Variants in PDP2 observed in about 807,000 individuals in gnomAD.
The protein encoded by PDP2 is pyruvate dehydrogenase phosphatase catalytic subunit 2.
PDP2 carries 23 observed loss-of-function variants against 34.2 expected under a neutral mutation model. The observed-to-expected ratio is 0.67, with a 90% CI of 0.48 to 0.95. The LOEUF (loss-of-function observed/expected upper bound fraction) is 0.95, where lower values mean the gene tolerates loss of function less well. PDP2 is among the 40% of genes least tolerant of loss of function. PDP2 has a pLI of 0.00. For synonymous variants in PDP2, 275 were observed against 269.2 expected, an observed-to-expected ratio of 1.02 and a Z score of -0.21; for missense variants, 571 against 659.6, an observed-to-expected ratio of 0.87 and a Z score of 1.47.
rs1178703966 is a variant in PDP2 at position 66,888,494 on chromosome 16, T to G, written c.*2620T>G. On this transcript the variant is annotated 3_prime_UTR_variant, in exon 2 of 2. Transcript: ENST00000311765. ...TGTTTTTTGAGACAAGGTCTTGCTT[T>G]GTCGCCCATGCTGGAGTGCAGTGGC... The G allele has an allele frequency of 6.6e-6, 1 of 152,190 alleles. No individual in the cohort carries two copies. The highest frequency in any genetic ancestry group is 2.4e-5 in the African/African-American group (1 of 41,442). 9.4% of individuals were successfully genotyped at this position (152,190 alleles called of 1,614,324 possible). A position where few individuals can be genotyped will look rare whatever the true frequency, so the allele number is the denominator to read the frequency against.
intron 1 of PDP2, among the ~76,000 whole-genome samples, chr16:66,881,708 T>C (rs969310799): frequency 6.6e-6 from 1 of 152,122 alleles, no homozygotes; most frequent in Admixed American, 6.6e-5. Flanking sequence ...AAGAGACAGA[T>C]CTGGCTCTGT....
At chr16:66,882,460 C>A (rs6499103) in intron 1 of PDP2, among the ~76,000 whole-genome samples, 27,912 of 150,698 alleles carry the variant, frequency 0.19, 4,744 homozygotes, top group African/African-American at 0.46. Context: ...CAAAAAAAAA[C>A]CAAACAAAAA....
rs1961851017 is a variant in PDP2 at position 66,888,018 on chromosome 16, CT to C, written c.*2146del. On this transcript the variant is annotated 3_prime_UTR_variant, in exon 2 of 2. Transcript: ENST00000311765. ...CCTTCCTTCCTTCCTTCCTTCCTTC[CT>C]TCCTTCCTTCCTTCCTTCCTTCCTT... The C allele has an allele frequency of 7.1e-6, 1 of 140,528 alleles. No individual in the cohort carries two copies. The highest frequency in any genetic ancestry group is 2.7e-5 in the African/African-American group (1 of 36,724). 8.7% of individuals were successfully genotyped at this position (140,528 alleles called of 1,614,324 possible).
In PDP2 at chr16:66,888,659, A is replaced by G. The variant is rs1390023233; in HGVS notation, c.*2785A>G. On this transcript the variant is annotated 3_prime_UTR_variant, in exon 2 of 2. Transcript: ENST00000311765. ...TTTTTGGTGAAAACATGATCTTGCTATGTTGCTCAGGCTGGTTGTCTGGCA... is the reference window on the plus strand; with the variant it reads ...TTTTTGGTGAAAACATGATCTTGCTGTGTTGCTCAGGCTGGTTGTCTGGCA... 1.3e-5 allele frequency: 2 copies of G among 152,156 alleles called. No individual in the cohort carries two copies. Among genetic ancestry groups the G allele is most frequent in the Non-Finnish European group, 2.9e-5 (2 of 68,032 alleles). 9.4% of individuals were successfully genotyped at this position (152,156 alleles called of 1,614,324 possible).
intron 1 of PDP2, 55 bp from the exon 2 acceptor site, chr16:66,884,176 A>AAC: frequency 2.7e-6 from 2 of 733,378 alleles, no homozygotes; most frequent in Non-Finnish European, 3.8e-6. Context: ...TACGTCTCAA[A>AAC]AAAAAAAAAA....
At position 66,885,595 on chromosome 16, in the gene PDP2, C is replaced by T. The variant is rs767749931; in HGVS notation, c.1311C>T (p.His437=). 124 of 1,613,962 alleles carry T rather than the reference C, an allele frequency of 7.7e-5. No individual in the cohort carries two copies. Among genetic ancestry groups the T allele is most frequent in the Non-Finnish European group, 7.3e-5 (86 of 1,180,026 alleles). ...GGCACCTGGCTGAGGCAGATTGGCA[C>T]AAGACAGACCTGGCCCAGAGACCCG... ...VVGHLAEADW[H]KTDLAQRPAN... The change falls in exon 2 of 2, where the codon CAC becomes CAT. Residue 437 remains histidine (H), a synonymous_variant. Transcript: ENST00000311765. This position sits in a 1 kb window ranked among gnomAD's most constrained non-coding sequence, Gnocchi z 4.6.
rs1428471960 is a variant in PDP2 at position 66,888,800 on chromosome 16, T to C, written c.*2926T>C. Reference sequence around the variant, plus strand: ...GAGCCTAGCATGGGTCATAAATATATCTGATTCATTAACCTGTGAGACAGC... The same window carrying C: ...GAGCCTAGCATGGGTCATAAATATACCTGATTCATTAACCTGTGAGACAGC... On this transcript the variant is annotated 3_prime_UTR_variant, in exon 2 of 2. Transcript: ENST00000311765. The C allele has an allele frequency of 6.6e-6, 1 of 152,246 alleles. No homozygotes were observed. The highest frequency in any genetic ancestry group is 2.4e-5 in the African/African-American group (1 of 41,458). 9.4% of individuals were successfully genotyped at this position (152,246 alleles called of 1,614,324 possible). A position where few individuals can be genotyped will look rare whatever the true frequency, so the allele number is the denominator to read the frequency against.
In PDP2 at chr16:66,886,007, G is replaced by GA. The variant is rs1961753234; in HGVS notation, c.*140dup. ...AATTTGCTAAATAGACTAACAGGAG[G>GA]AAAAAAACAAACAGCCTAGCTTTAA... On this transcript the variant is annotated 3_prime_UTR_variant, in exon 2 of 2. Transcript: ENST00000311765. 3.4e-6 allele frequency: 3 copies of GA among 882,664 alleles called. No individual in the cohort carries two copies. Among genetic ancestry groups the GA allele is most frequent in the Non-Finnish European group, 1.8e-6 (1 of 570,178 alleles). The allele number at this position is 882,664 out of a possible 1,614,324, so 54.7% of individuals were successfully genotyped here.
rs1961779189 is a variant in PDP2 at position 66,886,699 on chromosome 16, C to T, written c.*825C>T. 6.8e-6 allele frequency: 2 copies of T among 293,870 alleles called. No individual in the cohort carries two copies. The highest frequency in any genetic ancestry group is 1.5e-5 in the Non-Finnish European group (2 of 129,172). 18.2% of individuals were successfully genotyped at this position (293,870 alleles called of 1,614,324 possible). On this transcript the variant is annotated 3_prime_UTR_variant, in exon 2 of 2. Coordinates refer to ENST00000311765, the MANE Select transcript of PDP2 (RefSeq NM_020786.4). ...CTTTCCTGCATTAGTAAAATTTCCT[C>T]CTGGGCTGAGCCTTTGGGGGTTGAT...
At position 66,885,013 on chromosome 16, in the gene PDP2, G is replaced by C. The variant is rs1555516690; in HGVS notation, c.729G>C (p.Ser243=). Residue 243 remains serine, a synonymous_variant, in exon 2 of 2, where the codon TCG becomes TCC. Transcript: ENST00000311765. The surrounding 1 kb of genome is among the most constrained non-coding windows in gnomAD (Gnocchi z 4.6). ...YSFQRLDSDI[S]LEIQAPLEDE... ...TCCAGAGACTGGATTCTGACATCTC[G>C]CTGGAAATCCAGGCCCCCCTGGAAG... 3 of 1,613,162 alleles carry C rather than the reference G, an allele frequency of 1.9e-6. No individual in the cohort carries two copies. The African/African-American group carries it at 4.0e-5, about 22-fold the overall frequency.
At position 66,888,171 on chromosome 16, in the gene PDP2, G is replaced by A. The variant is rs895646782; in HGVS notation, c.*2297G>A. On this transcript the variant is annotated 3_prime_UTR_variant, in exon 2 of 2. Transcript: ENST00000311765. The stretch of plus-strand genomic sequence containing the variant: ...CAACCTCTGCAGCCCAGGCTCAAAC[G>A]ATCCTCCTGCCTCAGCCTCCCGAGT... The A allele has an allele frequency of 1.3e-5, 2 of 151,102 alleles. No individual in the cohort carries two copies. Among genetic ancestry groups the A allele is most frequent in the Non-Finnish European group, 1.5e-5 (1 of 67,892 alleles). 9.4% of individuals were successfully genotyped at this position (151,102 alleles called of 1,614,324 possible). A position where few individuals can be genotyped will look rare whatever the true frequency, so the allele number is the denominator to read the frequency against.
At position 66,885,103 on chromosome 16, in the gene PDP2, T is replaced by C. The variant is rs1469781048; in HGVS notation, c.819T>C (p.His273=). 7 of 1,613,866 alleles carry C rather than the reference T, an allele frequency of 4.3e-6. No homozygotes were observed. Among genetic ancestry groups the C allele is most frequent in the South Asian group, 2.2e-5 (2 of 91,086 alleles). Residue 273 remains histidine, a synonymous_variant, in exon 2 of 2, where the codon CAT becomes CAC. Coordinates refer to ENST00000311765, the MANE Select transcript of PDP2 (RefSeq NM_020786.4). This position sits in a 1 kb window ranked among gnomAD's most constrained non-coding sequence, Gnocchi z 4.6. ...CTGGGGCAACAGCTTGCATGGCCCA[T>C]GTTGATGGAATTCACTTGCACGTGG... ...AFSGATACMA[H]VDGIHLHVAN...
chr16:66,889,788 T>C lies in PDP2; in HGVS notation c.*3914T>C, dbSNP rs1454139222. On this transcript the variant is annotated 3_prime_UTR_variant, in exon 2 of 2. Coordinates refer to ENST00000311765, the MANE Select transcript of PDP2 (RefSeq NM_020786.4). ...ATGAGACCAGCCTGGGCAACATAGA[T>C]CTTGCCTCTACAAAAAAAAAAAAAA... 1.4e-5 allele frequency: 2 copies of C among 144,308 alleles called. No homozygotes were observed. The highest frequency in any genetic ancestry group is 2.2e-4 in the South Asian group (1 of 4,510). The allele number at this position is 144,308 out of a possible 1,614,324, so 8.9% of individuals were successfully genotyped here.
intron 1 of PDP2, among the ~76,000 whole-genome samples, chr16:66,881,533 G>A (rs1221753224): frequency 6.6e-6 from 1 of 151,846 alleles, no homozygotes; most frequent in African/African-American, 2.4e-5. Flanking sequence ...ACCCCCTTGA[G>A]GAGGCAGATG....
chr16:66,885,142 C>G lies in PDP2; in HGVS notation c.858C>G (p.Asp286Glu). 1 of 1,614,002 alleles carries G rather than the reference C, an allele frequency of 6.2e-7. No individual in the cohort carries two copies. The highest frequency in any genetic ancestry group is 8.5e-7 in the Non-Finnish European group (1 of 1,180,044). ...GIHLHVANAGDCRAILGVQED... is the reference protein window; with the variant it reads ...GIHLHVANAGECRAILGVQED... ...ACTTGCACGTGGCAAATGCTGGTGA[C>G]TGCCGAGCCATCCTTGGTGTCCAAG... Residue 286 changes from aspartate (D) to glutamate (E), a missense_variant, in exon 2 of 2, where the codon GAC becomes GAG. By Grantham distance (45) the Asp-to-Glu change is conservative. Coordinates refer to ENST00000311765, the MANE Select transcript of PDP2 (RefSeq NM_020786.4). This position sits in a 1 kb window ranked among gnomAD's most constrained non-coding sequence, Gnocchi z 4.6.
In PDP2 at chr16:66,888,033, CCTTCCTTCCTTCCTTCCTTCCTTCCTCT is replaced by C. The variant is rs890445313; in HGVS notation, c.*2162_*2189del. ...TCCTTCCTTCCTTCCTTCCTTCCTT[CCTTCCTTCCTTCCTTCCTTCCTTCCTCT>C]CTCTCTCTTTCTTTCTTTCTTTCCT... On this transcript the variant is annotated 3_prime_UTR_variant, in exon 2 of 2. Coordinates refer to ENST00000311765, the MANE Select transcript of PDP2 (RefSeq NM_020786.4). 7.0e-6 allele frequency: 1 copy of C among 143,646 alleles called. No homozygotes were observed. Among genetic ancestry groups the C allele is most frequent in the African/African-American group, 2.6e-5 (1 of 38,078 alleles). The allele number at this position is 143,646 out of a possible 1,614,324, so 8.9% of individuals were successfully genotyped here.
At position 66,885,397 on chromosome 16, in the gene PDP2, G is replaced by A; in HGVS notation, c.1113G>A (p.Glu371=). ...TTCTGGAGAGGGGCTTCAATACCGAGGCCCTCAACATTTACCAGTTCACAC... is the reference window on the plus strand; with the variant it reads ...TTCTGGAGAGGGGCTTCAATACCGAAGCCCTCAACATTTACCAGTTCACAC... ...RSILERGFNT[E]ALNIYQFTPP... Residue 371 remains glutamate, a synonymous_variant, in exon 2 of 2, where the codon GAG becomes GAA. Coordinates refer to ENST00000311765, the MANE Select transcript of PDP2 (RefSeq NM_020786.4). The surrounding 1 kb of genome is among the most constrained non-coding windows in gnomAD (Gnocchi z 4.6). 6.2e-7 allele frequency: 1 copy of A among 1,613,878 alleles called. No individual in the cohort carries two copies. Among genetic ancestry groups the A allele is most frequent in the Non-Finnish European group, 8.5e-7 (1 of 1,180,020 alleles).
Position 66,885,530 on chromosome 16 carries a change from GA to G in PDP2, c.1247del (p.Asp416AlafsTer3). ...TGTGCTGGCCTCAGATGGCCTGTGGGACATGCTGAGCAATGAGGACGTGGTA... is the reference window on the plus strand; with the variant it reads ...TGTGCTGGCCTCAGATGGCCTGTGGGCATGCTGAGCAATGAGGACGTGGTA... ...FLVLASDGLWDMLSNEDVVRL... is the reference protein window; with the variant it reads ...FLVLASDGLWXMLSNEDVVRL... On this transcript the variant is annotated frameshift_variant, in exon 2 of 2. Transcript: ENST00000311765. LOFTEE classifies it high-confidence loss of function. This position sits in a 1 kb window ranked among gnomAD's most constrained non-coding sequence, Gnocchi z 4.6. 1.9e-6 allele frequency: 3 copies of G among 1,614,106 alleles called. No homozygotes were observed. The highest frequency in any genetic ancestry group is 2.5e-6 in the Non-Finnish European group (3 of 1,180,034).
Sources: gnomAD v4.1 joint callset for allele counts (sites outside exome capture counted in the v4.1 genomes callset) on GRCh38, gnomAD v4.1.1 for gene constraint, Gnocchi (gnomAD v3.1) non-coding constraint, MANE v1.5 for transcripts, NCBI Gene and HGNC (gene_info 2026-07-23, HGNC 2026-07-21) for gene names.